Variants in RETREG1 observed in about 807,000 individuals in gnomAD.
RETREG1 encodes the protein family with sequence similarity 134 member B.
A neutral mutation model predicts 54.8 loss-of-function variants in RETREG1; 44 were observed. The observed-to-expected ratio is 0.80, with a 90% confidence interval of 0.63 to 1.03. RETREG1 has a LOEUF of 1.03. Among genes scored for constraint, RETREG1 ranks in the 50% least tolerant of loss-of-function variants. The probability of loss-of-function intolerance (pLI) is 0.00; values close to 1 mark genes in which losing one functional copy is unlikely to be tolerated. For missense variants in RETREG1, 554 were observed against 605.1 expected, an observed-to-expected ratio of 0.92 and a Z score of 0.89; for synonymous variants, 217 against 238.5, an observed-to-expected ratio of 0.91 and a Z score of 0.83.
At chr5:16,530,699 C>A (rs1460470914) in intron 3 of RETREG1, among the ~76,000 whole-genome samples, 1 of 152,042 alleles carries the variant, frequency 6.6e-6, no homozygotes, top group Non-Finnish European at 1.5e-5. Flanking sequence ...GTGGCAAAAC[C>A]CTGTCTAGAC....
intron 2 of RETREG1, among the ~76,000 whole-genome samples, chr5:16,566,897 G>A (rs906588239): frequency 5.9e-5 from 9 of 152,194 alleles, no homozygotes; most frequent in Admixed American, 1.3e-4. Context: ...AGGGGACTGT[G>A]AGCAATAATA....
At chr5:16,560,447 A>T (rs1741825095) in intron 3 of RETREG1, among the ~76,000 whole-genome samples, 1 of 152,218 alleles carries the variant, frequency 6.6e-6, no homozygotes, top group Non-Finnish European at 1.5e-5. Context: ...TAAACAGTGA[A>T]ATTAATGCTA....
chr5:16,551,815 T>C (rs1305446922), intron 3 of RETREG1, among the ~76,000 whole-genome samples: 1 of 152,228 alleles, frequency 6.6e-6, no homozygotes, highest in African/African-American at 2.4e-5. Context: ...GACTCTAATC[T>C]GGGTCAGCTG....
intron 3 of RETREG1, among the ~76,000 whole-genome samples, chr5:16,528,484 G>T (rs1384275335): frequency 6.6e-6 from 1 of 152,148 alleles, no homozygotes; most frequent in African/African-American, 2.4e-5. Flanking sequence ...GCCTGGGACA[G>T]GAGTCAGCTC....
rs372201555 is a variant in RETREG1, at chr5:16,568,923, C to A, written c.427+3073G>T. Among the ~76,000 whole-genome samples the A allele has an allele frequency of 1.1e-3, 172 of 152,236 alleles. 1 individual carries two copies. The highest frequency in any genetic ancestry group is 3.9e-3 in the African/African-American group (161 of 41,534). On this transcript the variant is annotated intron_variant, in intron 2 of 8. Transcript: ENST00000306320. ...CGAGAAAACGTGGGAAGCAGAGAAGCTGGAAGAGAGGGAAGGAGAGGAGAC... is the reference window on the plus strand; with the variant it reads ...CGAGAAAACGTGGGAAGCAGAGAAGATGGAAGAGAGGGAAGGAGAGGAGAC...
intron 2 of RETREG1, among the ~76,000 whole-genome samples, chr5:16,566,174 T>C (rs887261575): frequency 6.6e-6 from 1 of 151,980 alleles, no homozygotes; most frequent in African/African-American, 2.4e-5. Flanking sequence ...ACCATGTGAG[T>C]TCAGGGAAGA....
At chr5:16,545,985 C>T (rs1561114641) in intron 3 of RETREG1, among the ~76,000 whole-genome samples, 1 of 152,112 alleles carries the variant, frequency 6.6e-6, no homozygotes, top group Non-Finnish European at 1.5e-5. Flanking sequence ...GGCAGCATGC[C>T]GTGCAGATGT....
At chr5:16,538,594 T>C (rs1192377068) in intron 3 of RETREG1, among the ~76,000 whole-genome samples, 2 of 152,182 alleles carry the variant, frequency 1.3e-5, no homozygotes, top group East Asian at 3.9e-4. Flanking sequence ...TTAACCACGA[T>C]GTCCCTGCCT....
chr5:16,612,861 C>G (rs1317087186), intron 1 of RETREG1, among the ~76,000 whole-genome samples: 1 of 152,042 alleles, frequency 6.6e-6, no homozygotes, highest in African/African-American at 2.4e-5. Context: ...GTAGTTTTAT[C>G]CCCTATGTGT....
At chr5:16,599,886 A>G (rs1743005615) in intron 1 of RETREG1, among the ~76,000 whole-genome samples, 1 of 152,236 alleles carries the variant, frequency 6.6e-6, no homozygotes, top group East Asian at 1.9e-4. Context: ...CTCCAGGGTG[A>G]TAACTGAGCG....
At chr5:16,553,495 T>C (rs1395454610) in intron 3 of RETREG1, among the ~76,000 whole-genome samples, 1 of 152,056 alleles carries the variant, frequency 6.6e-6, no homozygotes, top group African/African-American at 2.4e-5. Flanking sequence ...TATATATCTA[T>C]ACTTTGAATA....
intron 2 of RETREG1, among the ~76,000 whole-genome samples, chr5:16,566,774 C>A (rs1742023966): frequency 6.6e-6 from 1 of 152,244 alleles, no homozygotes; most frequent in East Asian, 1.9e-4. Context: ...TAGACTCTTG[C>A]TCCTCTTCTA....
At chr5:16,580,588 C>T (rs191691714) in intron 1 of RETREG1, among the ~76,000 whole-genome samples, 2 of 152,272 alleles carry the variant, frequency 1.3e-5, no homozygotes, top group South Asian at 2.1e-4. Context: ...TCCACAGAAA[C>T]GTGTGGTAAC....
chr5:16,499,916 C>G (rs1028373831), intron 3 of RETREG1, among the ~76,000 whole-genome samples: 1 of 152,224 alleles, frequency 6.6e-6, no homozygotes, highest in African/African-American at 2.4e-5. Context: ...TGCCTCCCTG[C>G]ACCCCACTGA....
chr5:16,527,800 ATTTTT>A (rs386403108), intron 3 of RETREG1, among the ~76,000 whole-genome samples: 6 of 66,262 alleles, frequency 9.1e-5, no homozygotes, highest in East Asian at 5.6e-4. Flanking sequence ...AGGGACTCTA[ATTTTT>A]TTTTTTTTTT....
At chr5:16,579,986 A>T (rs1182620823) in intron 1 of RETREG1, among the ~76,000 whole-genome samples, 1 of 152,252 alleles carries the variant, frequency 6.6e-6, no homozygotes, top group African/African-American at 2.4e-5. Flanking sequence ...AAATTTTAAC[A>T]GTTCCATCAG....
At position 16,597,578 on chromosome 5, in the gene RETREG1, C is replaced by T. The variant is rs565620350; in HGVS notation, c.320+19074G>A. 6.6e-6 allele frequency among the ~76,000 whole-genome samples: 1 copy of T among 152,282 alleles called. No individual in the cohort carries two copies. Among genetic ancestry groups the T allele is most frequent in the African/African-American group, 2.4e-5 (1 of 41,572 alleles). ...CTCAGCCTGAAGTCAGCCACACCTC[C>T]AGAACCCTCCCAGGGAGAAGGGCAC... is the stretch of plus-strand genomic sequence containing the variant. On this transcript the variant is annotated intron_variant, in intron 1 of 8. Transcript: ENST00000306320. The surrounding 1 kb of genome is among the most constrained non-coding windows in gnomAD (Gnocchi z 4.3).
At chr5:16,572,186 C>CA (rs1214021162) in intron 1 of RETREG1, 84 bp from the exon 2 acceptor site, 8 of 822,794 alleles carry the variant, frequency 9.7e-6, no homozygotes, top group Non-Finnish European at 1.6e-5. Flanking sequence ...GCCACAGAAA[C>CA]AAAAAAGGTA....
intron 3 of RETREG1, among the ~76,000 whole-genome samples, chr5:16,559,509 C>T (rs1042671257): frequency 6.6e-5 from 10 of 152,130 alleles, no homozygotes; most frequent in South Asian, 2.1e-4. Context: ...TCAGAAAATC[C>T]GATAGCTCTC....
Sources: allele counts gnomAD v4.1 joint callset (sites outside exome capture counted in the v4.1 genomes callset), GRCh38; gene constraint gnomAD v4.1.1; non-coding constraint Gnocchi (gnomAD v3.1); transcripts MANE v1.5; gene names NCBI Gene and HGNC (gene_info 2026-07-23, HGNC 2026-07-21).